The following RSRC1 variants were observed in gnomAD, a reference collection of about 807,000 sequenced individuals.
The protein encoded by RSRC1 is arginine and serine rich coiled-coil 1.
Under a neutral mutation model 49.1 loss-of-function variants are expected in RSRC1, and 39 were observed. That is an observed-to-expected ratio of 0.79 (90% CI 0.61 to 1.04). The LOEUF (loss-of-function observed/expected upper bound fraction) is 1.04. RSRC1 is among the 50% of genes least tolerant of loss of function. The pLI is 0.00. For synonymous variants in RSRC1, 143 were observed against 130.8 expected (o/e 1.09, Z -0.63); for missense variants, 388 against 402.4 (o/e 0.96, Z 0.31).
chr3:158,543,563 G>A, intron 9 of RSRC1, 76 bp downstream of exon 9: 1 of 1,435,054 alleles, frequency 7.0e-7, no homozygotes, highest in Non-Finnish European at 9.4e-7. Context: ...ATCCTTTTGT[G>A]CTAACACCAA....
intron 3 of RSRC1, among the ~76,000 whole-genome samples, chr3:158,153,122 C>G (rs1717651409): frequency 6.6e-6 from 1 of 152,192 alleles, no homozygotes; most frequent in East Asian, 1.9e-4. Flanking sequence ...AACTTTCTCC[C>G]TATACCTTCT....
At chr3:158,421,449 A>G (rs1245233666) in intron 6 of RSRC1, among the ~76,000 whole-genome samples, 1 of 151,898 alleles carries the variant, frequency 6.6e-6, no homozygotes. Context: ...CACAAAACTA[A>G]TTTTAGGAAG....
chr3:158,534,391 C>T (rs1712599287), intron 7 of RSRC1, among the ~76,000 whole-genome samples: 2 of 151,688 alleles, frequency 1.3e-5, no homozygotes, highest in African/African-American at 4.8e-5. Context: ...CTGCAAAAAA[C>T]TCCACCTTCG....
intron 7 of RSRC1, among the ~76,000 whole-genome samples, chr3:158,466,672 A>T (rs1737903101): frequency 6.6e-6 from 1 of 152,214 alleles, no homozygotes; most frequent in Non-Finnish European, 1.5e-5. Flanking sequence ...TAGCTCTGTG[A>T]CCGAATAAAT....
chr3:158,209,365 A>T (rs1463985823), intron 4 of RSRC1, among the ~76,000 whole-genome samples: 1 of 152,138 alleles, frequency 6.6e-6, no homozygotes, highest in Non-Finnish European at 1.5e-5. Context: ...CAAGAAGTTC[A>T]TCATCAGATG....
At chr3:158,120,485 T>G (rs1715171387) in intron 1 of RSRC1, among the ~76,000 whole-genome samples, 1 of 149,942 alleles carries the variant, frequency 6.7e-6, no homozygotes, top group East Asian at 1.9e-4. Flanking sequence ...ACAAAAGTAA[T>G]TGTGGTTTTT....
chr3:158,220,030 T>G (rs1722148042), intron 4 of RSRC1, among the ~76,000 whole-genome samples: 1 of 151,626 alleles, frequency 6.6e-6, no homozygotes, highest in Non-Finnish European at 1.5e-5. Context: ...TCCAACTCTT[T>G]CATTTACTAG....
chr3:158,126,696 T>G (rs1375347890), intron 3 of RSRC1, among the ~76,000 whole-genome samples: 1 of 152,176 alleles, frequency 6.6e-6, no homozygotes, highest in Non-Finnish European at 1.5e-5. Flanking sequence ...CATGTACTTT[T>G]GTGTTGCTGT....
intron 4 of RSRC1, among the ~76,000 whole-genome samples, chr3:158,215,331 C>T (rs1240073539): frequency 2.6e-4 from 37 of 142,942 alleles, no homozygotes; most frequent in Non-Finnish European, 9.1e-5. Context: ...AATGTAGAGA[C>T]AGGTTTTGCT....
At chr3:158,327,890 G>C (rs1368078744) in intron 5 of RSRC1, among the ~76,000 whole-genome samples, 1 of 152,104 alleles carries the variant, frequency 6.6e-6, no homozygotes, top group Non-Finnish European at 1.5e-5. Context: ...GGTCTCTAAG[G>C]ACTTGCTTTA....
intron 4 of RSRC1, among the ~76,000 whole-genome samples, chr3:158,259,534 C>CT (rs1399755631): frequency 1.3e-5 from 2 of 152,184 alleles, no homozygotes; most frequent in Non-Finnish European, 2.9e-5. Context: ...CCGTACTCAG[C>CT]ACAGCACTGG....
intron 6 of RSRC1, among the ~76,000 whole-genome samples, chr3:158,369,149 T>C (rs1731932389): frequency 6.6e-6 from 1 of 152,116 alleles, no homozygotes; most frequent in South Asian, 2.1e-4. Context: ...TATATACATT[T>C]TCACATATTT....
chr3:158,445,752 C>T (rs1349979650), intron 6 of RSRC1, among the ~76,000 whole-genome samples: 2 of 151,990 alleles, frequency 1.3e-5, no homozygotes, highest in African/African-American at 4.8e-5. Flanking sequence ...CAAATCTAAA[C>T]AGGCCAATGA....
intron 1 of RSRC1, 103 bp from the exon 2 acceptor site, chr3:158,122,000 A>G: frequency 4.8e-6 from 3 of 621,518 alleles, no homozygotes; most frequent in Non-Finnish European, 7.4e-6. Context: ...GGGAGACCCC[A>G]TCTCTAAAAT....
At chr3:158,148,376 T>TGC (rs71860488) in intron 3 of RSRC1, among the ~76,000 whole-genome samples, 1 of 151,686 alleles carries the variant, frequency 6.6e-6, no homozygotes, top group Non-Finnish European at 1.5e-5. Flanking sequence ...CGTGTGTGTG[T>TGC]GTGTGTGTAT....
At chr3:158,341,847 G>A (rs956361733) in intron 5 of RSRC1, among the ~76,000 whole-genome samples, 2 of 152,096 alleles carry the variant, frequency 1.3e-5, no homozygotes, top group African/African-American at 4.8e-5. Context: ...AAGTCACGGG[G>A]TGGAGCTGCC....
chr3:158,180,457 T>C (rs961006686), intron 3 of RSRC1, among the ~76,000 whole-genome samples: 2 of 142,086 alleles, frequency 1.4e-5, no homozygotes, highest in African/African-American at 5.3e-5. Context: ...TGTTTATGTG[T>C]CTGTGTGTGT....
At chr3:158,469,862 G>A (rs1738049350) in intron 7 of RSRC1, 1 of 151,980 alleles carries the variant, frequency 6.6e-6, no homozygotes, top group African/African-American at 2.4e-5. Context: ...TGAAATTCAA[G>A]TATTCTTTGA....
intron 4 of RSRC1, among the ~76,000 whole-genome samples, chr3:158,252,801 G>C (rs538965290): frequency 3.3e-5 from 5 of 152,116 alleles, no homozygotes; most frequent in African/African-American, 1.2e-4. Context: ...TTTTTTCATG[G>C]TTCAATCTTA....
Sources: allele counts gnomAD v4.1 joint callset (sites outside exome capture counted in the v4.1 genomes callset), GRCh38; gene constraint gnomAD v4.1.1; transcripts MANE v1.5; gene names NCBI Gene and HGNC (gene_info 2026-07-23, HGNC 2026-07-21).